SYT16: variants seen among roughly 807,000 people sequenced by gnomAD.
The protein encoded by SYT16 is synaptotagmin-16.
SYT16 carries 42 observed loss-of-function variants against 61.4 expected under a neutral mutation model. The observed-to-expected ratio is 0.68, with a 90% confidence interval of 0.53 to 0.89. The LOEUF (loss-of-function observed/expected upper bound fraction) is 0.89. Ranked by LOEUF, SYT16 falls within the 40% of genes least tolerant of loss-of-function variation. The pLI is 0.00. For synonymous variants in SYT16, 314 were observed against 302.3 expected, an observed-to-expected ratio of 1.04 and a Z score of -0.40; for missense variants, 804 against 807.3, an observed-to-expected ratio of 1.00 and a Z score of 0.05.
intron 1 of SYT16, among the ~76,000 whole-genome samples, chr14:61,926,212 G>A (rs138805454): frequency 6.6e-6 from 1 of 150,890 alleles, no homozygotes; most frequent in East Asian, 2.0e-4. Context: ...CTTTCTTAGG[G>A]CTAAAAATAA....
chr14:62,065,071 T>A (rs2056002384), intron 3 of SYT16, among the ~76,000 whole-genome samples: 1 of 152,212 alleles, frequency 6.6e-6, no homozygotes, highest in Non-Finnish European at 1.5e-5. Context: ...ACATCTACAC[T>A]ACTACTGCCC....
chr14:62,070,639 A>G (rs1324087059), intron 4 of SYT16, among the ~76,000 whole-genome samples: 2 of 152,166 alleles, frequency 1.3e-5, no homozygotes, highest in Non-Finnish European at 2.9e-5. Flanking sequence ...TTCCCAAGCA[A>G]AGGTCAAGGT....
chr14:61,847,516 A>G (rs971073810), intron 1 of SYT16, among the ~76,000 whole-genome samples: 11 of 152,152 alleles, frequency 7.2e-5, no homozygotes, highest in African/African-American at 2.6e-4. Flanking sequence ...GAGTTTGATT[A>G]TTAAATACCT....
intron 7 of SYT16, among the ~76,000 whole-genome samples, chr14:62,087,828 C>G (rs941086729): frequency 1.3e-5 from 2 of 152,172 alleles, no homozygotes. Context: ...AACCCCCTCC[C>G]CTTCTGAGGT....
intron 3 of SYT16, among the ~76,000 whole-genome samples, chr14:62,037,190 A>G (rs2054544013): frequency 1.0e-5 from 1 of 97,616 alleles, no homozygotes; most frequent in Non-Finnish European, 2.2e-5. Flanking sequence ...CAGAAGCATG[A>G]GCTTTTTTTT....
At chr14:61,962,835 G>T (rs1377171538) in intron 1 of SYT16, among the ~76,000 whole-genome samples, 3 of 151,732 alleles carry the variant, frequency 2.0e-5, no homozygotes, top group Non-Finnish European at 4.4e-5. Flanking sequence ...ATTTGTGTTT[G>T]GTTCTTTATT....
chr14:62,001,492 T>G (rs1439201623), intron 3 of SYT16, among the ~76,000 whole-genome samples: 1 of 152,154 alleles, frequency 6.6e-6, no homozygotes, highest in African/African-American at 2.4e-5. Flanking sequence ...CTTGGAGCTT[T>G]GAAGATTTTG....
intron 2 of SYT16, among the ~76,000 whole-genome samples, chr14:61,983,974 G>T (rs1326377345): frequency 6.6e-6 from 1 of 152,208 alleles, no homozygotes; most frequent in Non-Finnish European, 1.5e-5. Context: ...ACAGGGTGAT[G>T]AAGAGAACCT....
intron 1 of SYT16, among the ~76,000 whole-genome samples, chr14:61,958,805 A>AT (rs1020015927): frequency 3.2e-4 from 48 of 151,518 alleles, no homozygotes; most frequent in East Asian, 1.6e-3. Context: ...CTGTTTATTG[A>AT]TTTTTTTTGT....
chr14:61,968,931 T>A (rs1002500489), intron 1 of SYT16, among the ~76,000 whole-genome samples: 1 of 152,238 alleles, frequency 6.6e-6, no homozygotes, highest in Non-Finnish European at 1.5e-5. Context: ...ACTATAAAGC[T>A]ATTATCTTGC....
At chr14:61,896,419 T>C (rs1281217794) in intron 1 of SYT16, among the ~76,000 whole-genome samples, 2 of 152,172 alleles carry the variant, frequency 1.3e-5, no homozygotes, top group Non-Finnish European at 2.9e-5. Flanking sequence ...GGGAAGAGGA[T>C]AGAGTGTCCT....
chr14:61,873,414 C>T (rs1037533021), intron 1 of SYT16, among the ~76,000 whole-genome samples: 7 of 152,126 alleles, frequency 4.6e-5, no homozygotes, highest in Admixed American at 3.9e-4. Flanking sequence ...CTTAACAAAC[C>T]GTCTTTCCTT....
At chr14:61,930,591 C>T (rs180812258) in intron 1 of SYT16, among the ~76,000 whole-genome samples, 2 of 152,166 alleles carry the variant, frequency 1.3e-5, no homozygotes, top group East Asian at 3.9e-4. Flanking sequence ...TAGTGCCCCA[C>T]ATCCCCTCAA....
chr14:61,977,084 C>G lies in SYT16; in HGVS notation c.-145+6773C>G, dbSNP rs146517758. ...CTCCTGTTTCCAAGAAGTTCCTCAT[C>G]TCCATCTGAGACCACCTCAGCCTGG... On this transcript the variant is annotated intron_variant, in intron 2 of 7. Transcript: ENST00000683842. 7.8e-3 allele frequency among the ~76,000 whole-genome samples: 1,185 copies of G among 152,270 alleles called. 10 individuals carry two copies. Among genetic ancestry groups the G allele is most frequent in the Middle Eastern group, 0.017 (5 of 294 alleles).
chr14:62,051,971 GCAGTGAGCTATGCACTC>G (rs751269395), intron 3 of SYT16, among the ~76,000 whole-genome samples: 12 of 152,184 alleles, frequency 7.9e-5, no homozygotes, highest in Non-Finnish European at 1.3e-4. Context: ...GGTTGAGGCT[GCAGTGAGCTATGCACTC>G]CAGCCTGGGA....
At chr14:62,052,534 C>T (rs897565534) in intron 3 of SYT16, among the ~76,000 whole-genome samples, 1 of 152,202 alleles carries the variant, frequency 6.6e-6, no homozygotes, top group African/African-American at 2.4e-5. Flanking sequence ...TGTTTTCCAT[C>T]CTTCCTTAAG....
intron 3 of SYT16, among the ~76,000 whole-genome samples, chr14:62,011,904 C>CACACACAT (rs755955809): frequency 1.1e-4 from 10 of 90,174 alleles, no homozygotes; most frequent in Non-Finnish European, 1.4e-4. Context: ...CACACACACA[C>CACACACAT]ATATATATAC....
chr14:62,077,590 T>G (rs1290982186), intron 5 of SYT16: 1 of 152,216 alleles, frequency 6.6e-6, no homozygotes, highest in Non-Finnish European at 1.5e-5. Context: ...GGGATAAGAA[T>G]GAAGAGATTT....
At chr14:62,089,318 C>A (rs377482876) in intron 7 of SYT16, among the ~76,000 whole-genome samples, 131 of 140,172 alleles carry the variant, frequency 9.3e-4, no homozygotes, top group African/African-American at 9.8e-4. Context: ...GATTCCATCT[C>A]AAAAAAAAAA....
Sources: gnomAD v4.1 joint callset for allele counts (sites outside exome capture counted in the v4.1 genomes callset) on GRCh38, gnomAD v4.1.1 for gene constraint, MANE v1.5 for transcripts, NCBI Gene and HGNC (gene_info 2026-07-23, HGNC 2026-07-21) for gene names.